The following CSMD3 variants were observed in gnomAD, a reference collection of about 807,000 sequenced individuals.
CSMD3 encodes CUB and Sushi multiple domains 3, also known as CUB and sushi domain-containing protein 3.
CSMD3 carries 177 observed loss-of-function variants against 435.2 expected under a neutral mutation model. That is an observed-to-expected ratio of 0.41 (90% CI 0.36 to 0.46). CSMD3 has a LOEUF of 0.46. Ranked by LOEUF, CSMD3 falls within the 20% of genes least tolerant of loss-of-function variation. The pLI is 0.34. For synonymous variants in CSMD3, 1,656 were observed against 1,520.5 expected (o/e 1.09, Z -2.07); for missense variants, 4,265 against 4,504.6 (o/e 0.95, Z 1.52).
intron 5 of CSMD3, among the ~76,000 whole-genome samples, chr8:113,039,682 A>G (rs1208594566): frequency 3.3e-5 from 5 of 152,078 alleles, no homozygotes; most frequent in African/African-American, 7.2e-5. Flanking sequence ...GTAAAAACTT[A>G]AAGAAAGAAG....
At chr8:112,689,467 A>G (rs546056957) in intron 14 of CSMD3, among the ~76,000 whole-genome samples, 1 of 152,068 alleles carries the variant, frequency 6.6e-6, no homozygotes, top group Non-Finnish European at 1.5e-5. Context: ...AAGTTAGTGC[A>G]TTATACATAC....
intron 5 of CSMD3, among the ~76,000 whole-genome samples, chr8:113,093,009 C>A: frequency 6.6e-6 from 1 of 152,016 alleles, no homozygotes; most frequent in East Asian, 1.9e-4. Flanking sequence ...AGCAGATTAT[C>A]AATGATGTCA....
At chr8:113,191,862 T>A (rs1438536867) in intron 3 of CSMD3, among the ~76,000 whole-genome samples, 2 of 151,766 alleles carry the variant, frequency 1.3e-5, no homozygotes, top group Admixed American at 6.6e-5. Flanking sequence ...CTAGTTTGCA[T>A]TCCCTCCAAT....
chr8:112,405,246 T>TATATATATATACACACAC (rs1199452249), intron 35 of CSMD3, among the ~76,000 whole-genome samples: 33 of 81,518 alleles, frequency 4.0e-4, no homozygotes, highest in African/African-American at 1.7e-3. Context: ...TATATATATA[T>TATATATATATACACACAC]ACATATATAT....
intron 4 of CSMD3, among the ~76,000 whole-genome samples, chr8:113,162,472 G>A (rs1211537538): frequency 6.6e-6 from 1 of 151,240 alleles, no homozygotes. Context: ...GGCTGAGGCA[G>A]GAGAATCCCT....
chr8:113,418,697 C>T (rs1222569249), intron 1 of CSMD3, among the ~76,000 whole-genome samples: 1 of 152,144 alleles, frequency 6.6e-6, no homozygotes, highest in Non-Finnish European at 1.5e-5. Flanking sequence ...ACTACTGAGC[C>T]ACTACGTAGT....
chr8:112,735,981 A>T (rs11996353), intron 13 of CSMD3, among the ~76,000 whole-genome samples: 2,654 of 152,116 alleles, frequency 0.017, 77 homozygotes, highest in African/African-American at 0.061. Flanking sequence ...GAAAACAGAA[A>T]TCATATTTCA....
chr8:112,423,581 C>T (rs1812740051), intron 32 of CSMD3, among the ~76,000 whole-genome samples: 1 of 152,108 alleles, frequency 6.6e-6, no homozygotes, highest in Non-Finnish European at 1.5e-5. Context: ...TCCCTAGTAG[C>T]TGGGACCATA....
At chr8:112,352,627 C>A in intron 38 of CSMD3, 93 bp from the exon 39 acceptor site, 9 of 1,067,544 alleles carry the variant, frequency 8.4e-6, no homozygotes, top group South Asian at 1.3e-5. Context: ...ATATCAGTGT[C>A]TCATCAAACT....
chr8:112,327,813 G>A (rs373642981), intron 45 of CSMD3, among the ~76,000 whole-genome samples: 1 of 152,106 alleles, frequency 6.6e-6, no homozygotes, highest in African/African-American at 2.4e-5. Context: ...CTGGTTCCTC[G>A]TCCAACAAAT....
rs144944743 is a variant in CSMD3, at chr8:112,963,912, A to G, written c.1343-9151T>C. On this transcript the variant is annotated intron_variant, in intron 7 of 70. Transcript: ENST00000297405. Reference sequence around the variant, plus strand: ...CCTAAGGAAATAAGCTACCTAAGACATTTAAAACTGTGCTAATTTTTTTAA... The same window carrying G: ...CCTAAGGAAATAAGCTACCTAAGACGTTTAAAACTGTGCTAATTTTTTTAA... 6.6e-3 allele frequency among the ~76,000 whole-genome samples: 1,010 copies of G among 152,034 alleles called. 12 individuals are homozygous for G. The highest frequency in any genetic ancestry group is 0.023 in the African/African-American group (969 of 41,536).
At chr8:112,467,135 G>C (rs938230598) in intron 32 of CSMD3, among the ~76,000 whole-genome samples, 2 of 152,200 alleles carry the variant, frequency 1.3e-5, no homozygotes, top group African/African-American at 4.8e-5. Context: ...TAGTAGACTA[G>C]ATTGACAATT....
chr8:112,923,339 A>G (rs1454595795), intron 9 of CSMD3, among the ~76,000 whole-genome samples: 1 of 152,134 alleles, frequency 6.6e-6, no homozygotes, highest in Non-Finnish European at 1.5e-5. Context: ...CATACTAAAG[A>G]GATTGCCCTT....
chr8:112,605,936 C>G (rs1832757932), intron 22 of CSMD3, among the ~76,000 whole-genome samples: 1 of 152,054 alleles, frequency 6.6e-6, no homozygotes, highest in East Asian at 1.9e-4. Flanking sequence ...AAGTTTAGGC[C>G]TTTAAAGCAG....
chr8:112,263,768 C>G lies in CSMD3; in HGVS notation c.9733G>C (p.Glu3245Gln), dbSNP rs778456956. 1 of 1,613,828 alleles carries G rather than the reference C, an allele frequency of 6.2e-7. No individual in the cohort carries two copies. The highest frequency in any genetic ancestry group is 8.5e-7 in the Non-Finnish European group (1 of 1,179,798). ...AAGCCCCAGTCGAAATTTGTTCCTT[C>G]CAGCCTTCCATTAGAGATCTGGGGA... ...TPPQISNGRLEGTNFDWGFSI... is the reference protein window; with the variant it reads ...TPPQISNGRLQGTNFDWGFSI... Residue 3245 changes from glutamate to glutamine, a missense_variant, in exon 61 of 71, where the codon GAA becomes CAA. Coordinates refer to ENST00000297405, the MANE Select transcript of CSMD3 (RefSeq NM_198123.2).
intron 38 of CSMD3, among the ~76,000 whole-genome samples, chr8:112,372,328 G>A (rs1452771733): frequency 6.6e-6 from 1 of 152,106 alleles, no homozygotes; most frequent in Non-Finnish European, 1.5e-5. Context: ...TGGAATAAGA[G>A]GCTAAAGAAT....
At chr8:112,699,012 T>C (rs1377613605) in intron 13 of CSMD3, among the ~76,000 whole-genome samples, 2 of 151,990 alleles carry the variant, frequency 1.3e-5, no homozygotes, top group African/African-American at 2.4e-5. Flanking sequence ...CAGCACTCTA[T>C]AAAATGGACC....
intron 22 of CSMD3, among the ~76,000 whole-genome samples, chr8:112,620,542 G>C (rs1361809766): frequency 6.6e-6 from 1 of 152,070 alleles, no homozygotes; most frequent in Non-Finnish European, 1.5e-5. Context: ...GCGATTTTCT[G>C]AAAGTGTCAC....
At chr8:112,749,040 G>T (rs2132092833) in intron 13 of CSMD3, among the ~76,000 whole-genome samples, 1 of 152,160 alleles carries the variant, frequency 6.6e-6, no homozygotes, top group South Asian at 2.1e-4. Flanking sequence ...ATTCTGACTG[G>T]TGTGAGATAC....
Sources: gnomAD v4.1 joint callset for allele counts (sites outside exome capture counted in the v4.1 genomes callset) on GRCh38, gnomAD v4.1.1 for gene constraint, MANE v1.5 for transcripts, NCBI Gene and HGNC (gene_info 2026-07-23, HGNC 2026-07-21) for gene names.